Variants in NPEPL1 observed in about 807,000 individuals in gnomAD.
The protein encoded by NPEPL1 is probable aminopeptidase NPEPL1.
In NPEPL1, 45 loss-of-function variants were observed where a neutral mutation model predicts 52.4. That is an observed-to-expected ratio of 0.86 (90% CI 0.68 to 1.10). The LOEUF (loss-of-function observed/expected upper bound fraction) is 1.10, where lower values mean the gene tolerates loss of function less well. Among genes scored for constraint, NPEPL1 ranks in the 50% least tolerant of loss-of-function variants. The pLI, the probability that NPEPL1 is intolerant of heterozygous loss-of-function variation, is 0.00. For synonymous variants in NPEPL1, 360 were observed against 314.7 expected, an observed-to-expected ratio of 1.14 and a Z score of -1.52; for missense variants, 696 against 710.9, an observed-to-expected ratio of 0.98 and a Z score of 0.24.
chr20:58,703,844 C>T, intron 6 of NPEPL1: 1 of 984,990 alleles, frequency 1.0e-6, no homozygotes, highest in Non-Finnish European at 1.2e-6. Flanking sequence ...GAGAGTAGGG[C>T]ATTTTCCATG....
In NPEPL1 at chr20:58,704,361, A is replaced by G. The variant is rs1329368870; in HGVS notation, c.823-2762A>G. 4 of 985,304 alleles carry G rather than the reference A, an allele frequency of 4.1e-6. No individual in the cohort carries two copies. In the Admixed American group the frequency reaches 1.8e-4, roughly 45 times the overall value. 61.0% of individuals were successfully genotyped at this position (985,304 alleles called of 1,614,324 possible). On this transcript the variant is annotated intron_variant, in intron 6 of 11. Coordinates refer to ENST00000356091, the MANE Select transcript of NPEPL1 (RefSeq NM_024663.4). ...GACCAGCCTGGACTAGCAGGCCTCAAATGCATTACTGGAGACCCCTTTACG... is the reference window on the plus strand; with the variant it reads ...GACCAGCCTGGACTAGCAGGCCTCAGATGCATTACTGGAGACCCCTTTACG...
chr20:58,708,605 T>C (rs886958529), intron 7 of NPEPL1, among the ~76,000 whole-genome samples: 1 of 152,236 alleles, frequency 6.6e-6, no homozygotes, highest in Non-Finnish European at 1.5e-5. Context: ...CTCTGTGCGC[T>C]ACTCCTTCAC....
chr20:58,710,101 C>T (rs142190525), intron 7 of NPEPL1, among the ~76,000 whole-genome samples: 164 of 135,788 alleles, frequency 1.2e-3, no homozygotes, highest in Middle Eastern at 4.8e-3. Context: ...TGCAGTGGTG[C>T]GATCTCGGCT....
At chr20:58,698,350 G>C (rs774777331) in intron 3 of NPEPL1, among the ~76,000 whole-genome samples, 24 of 152,278 alleles carry the variant, frequency 1.6e-4, no homozygotes, top group Non-Finnish European at 3.1e-4. Context: ...CCTACCTTCA[G>C]TTGTAGCTGG....
At position 58,703,632 on chromosome 20, in the gene NPEPL1, G is replaced by A. The variant is rs555026213; in HGVS notation, c.822+2474G>A. On this transcript the variant is annotated intron_variant, in intron 6 of 11. Transcript: ENST00000356091. ...CTGGGAATTCATTCGTTTGCTTGTG[G>A]CACTAACTCTAGTCACTTAGGGAAA... is the stretch of plus-strand genomic sequence containing the variant. The A allele has an allele frequency of 3.0e-6, 3 of 985,284 alleles. No homozygotes were observed. The South Asian group carries it at 1.4e-4, about 46-fold the overall frequency. The allele number at this position is 985,284 out of a possible 1,614,324, so 61.0% of individuals were successfully genotyped here.
intron 5 of NPEPL1, among the ~76,000 whole-genome samples, chr20:58,700,081 T>C (rs976591229): frequency 3.3e-5 from 5 of 152,210 alleles, no homozygotes; most frequent in Non-Finnish European, 7.3e-5. Flanking sequence ...TCACAGGCCA[T>C]TAGCTGGAGG....
chr20:58,714,844 C>T, intron 11 of NPEPL1, 174 bp downstream of exon 11: 1 of 630,042 alleles, frequency 1.6e-6, no homozygotes, highest in East Asian at 2.8e-5. Context: ...AACAGAGTGG[C>T]TGCTGTGTGC....
At chr20:58,691,720 T>TTTTTTTTTTG, upstream of NPEPL1, 2 of 814,008 alleles carry the variant, frequency 2.5e-6, no homozygotes, top group East Asian at 2.8e-5. Flanking sequence ...TTTTTCATTT[T>TTTTTTTTTTG]TAGGCTGGTT....
chr20:58,698,158 C>A (rs555817569), intron 3 of NPEPL1, among the ~76,000 whole-genome samples: 1 of 152,244 alleles, frequency 6.6e-6, no homozygotes, highest in East Asian at 1.9e-4. Flanking sequence ...CAGGTTCAAG[C>A]ACTCAGGATG....
Position 58,715,456 on chromosome 20 carries a change from A to G in NPEPL1, c.*130A>G, listed in dbSNP as rs528553527. The stretch of plus-strand genomic sequence containing the variant: ...TTCTGGTCGTCAGCGTGGTGGTGGA[A>G]ACAGCTGAAGTTTTAGGAGACAGCT... On this transcript the variant is annotated 3_prime_UTR_variant, in exon 12 of 12. Coordinates refer to ENST00000356091, the MANE Select transcript of NPEPL1 (RefSeq NM_024663.4). The G allele has an allele frequency of 9.6e-7, 1 of 1,038,264 alleles. No individual in the cohort carries two copies. Among genetic ancestry groups the G allele is most frequent in the Non-Finnish European group, 1.3e-6 (1 of 749,996 alleles). The allele number at this position is 1,038,264 out of a possible 1,614,324, so 64.3% of individuals were successfully genotyped here.
In NPEPL1 at chr20:58,712,518, G is replaced by A. The variant is rs2084871207; in HGVS notation, c.940G>A (p.Glu314Lys). 2 of 1,613,626 alleles carry A rather than the reference G, an allele frequency of 1.2e-6. No individual in the cohort carries two copies. Among genetic ancestry groups the A allele is most frequent in the Non-Finnish European group, 1.7e-6 (2 of 1,179,834 alleles). The change falls in exon 8 of 12, where the codon GAG becomes AAG. Residue 314 changes from glutamate to lysine, a missense_variant. By Grantham distance (56) the Glu-to-Lys change is moderately conservative. Coordinates refer to ENST00000356091, the MANE Select transcript of NPEPL1 (RefSeq NM_024663.4). ...CCTCCACGCTGTGTTCTGCTTGGCTGAGAACTCGGTGGGGCCCAATGCGAC... is the reference window on the plus strand; with the variant it reads ...CCTCCACGCTGTGTTCTGCTTGGCTAAGAACTCGGTGGGGCCCAATGCGAC... ...DNLHAVFCLA[E>K]NSVGPNATRP...
At position 58,702,060 on chromosome 20, in the gene NPEPL1, C is replaced by T. The variant is rs373444422; in HGVS notation, c.822+902C>T. Among the ~76,000 whole-genome samples the T allele has an allele frequency of 8.1e-4, 123 of 152,358 alleles. 1 individual carries two copies. Among genetic ancestry groups the T allele is most frequent in the Non-Finnish European group, 1.4e-3 (95 of 68,038 alleles). The stretch of plus-strand genomic sequence containing the variant: ...GGAGCAGACTGGGAAGTACATACCT[C>T]AGGAGGTCTGGAAGGAGCAGGGAGT... On this transcript the variant is annotated intron_variant, in intron 6 of 11. Coordinates refer to ENST00000356091, the MANE Select transcript of NPEPL1 (RefSeq NM_024663.4).
At chr20:58,714,265 C>T (rs1240609144) in intron 10 of NPEPL1, 172 bp downstream of exon 10, 93 of 688,738 alleles carry the variant, frequency 1.4e-4, no homozygotes, top group Admixed American at 3.3e-5. Flanking sequence ...TCCCAGACAG[C>T]GTGGGCCACT....
At chr20:58,701,514 G>A (rs1165226783) in intron 6 of NPEPL1, among the ~76,000 whole-genome samples, 3 of 152,064 alleles carry the variant, frequency 2.0e-5, no homozygotes, top group Non-Finnish European at 2.9e-5. Context: ...GTGCTGAGGC[G>A]ACAGCTTCAC....
intron 6 of NPEPL1, among the ~76,000 whole-genome samples, chr20:58,703,024 C>T (rs997070500): frequency 6.6e-6 from 1 of 152,196 alleles, no homozygotes; most frequent in East Asian, 1.9e-4. Flanking sequence ...TTTTGACCAT[C>T]CCGCACTCTC....
Position 58,699,223 on chromosome 20 carries a change from G to C in NPEPL1, c.624G>C (p.Leu208=). ...AGATTAACAAAGTTGGAAAGGAGCT[G>C]GGGATCATCCCAACCATCATCCGGG... is the stretch of plus-strand genomic sequence containing the variant. ...LEEINKVGKE[L]GIIPTIIRDE... is the part of the protein sequence containing the mutation. Residue 208 remains leucine (L), a synonymous_variant, in exon 5 of 12, where the codon CTG becomes CTC. Transcript: ENST00000356091. The C allele has an allele frequency of 6.2e-7, 1 of 1,603,904 alleles. No individual in the cohort carries two copies. The highest frequency in any genetic ancestry group is 8.5e-7 in the Non-Finnish European group (1 of 1,175,240).
At chr20:58,694,924 GTGTA>G (rs1355043530) in intron 3 of NPEPL1, among the ~76,000 whole-genome samples, 1 of 146,740 alleles carries the variant, frequency 6.8e-6, no homozygotes, top group Non-Finnish European at 1.5e-5. Context: ...GCACGTGTGT[GTGTA>G]TGTGCGTGCA....
rs2123155667 is a variant in NPEPL1 at position 58,713,847 on chromosome 20, C to A, written c.1126-70C>A. On this transcript the variant is annotated intron_variant, in intron 9 of 11. Transcript: ENST00000356091. This position sits in a 1 kb window ranked among gnomAD's most constrained non-coding sequence, Gnocchi z 4.6. ...CTTATTTCTCTGTCTGCCTCCCGGTCCCTCTTTTGCCTTGGGTGTTTCTCT... is the reference window on the plus strand; with the variant it reads ...CTTATTTCTCTGTCTGCCTCCCGGTACCTCTTTTGCCTTGGGTGTTTCTCT... The A allele has an allele frequency of 1.4e-6, 2 of 1,381,014 alleles. No homozygotes were observed. Among genetic ancestry groups the A allele is most frequent in the East Asian group, 5.5e-5 (2 of 36,634 alleles). The allele number at this position is 1,381,014 out of a possible 1,614,324, so 85.5% of individuals were successfully genotyped here. A position where few individuals can be genotyped will look rare whatever the true frequency, so the allele number is the denominator to read the frequency against.
At chr20:58,699,943 CT>C (rs1379692757) in intron 5 of NPEPL1, among the ~76,000 whole-genome samples, 1 of 152,240 alleles carries the variant, frequency 6.6e-6, no homozygotes, top group East Asian at 1.9e-4. Flanking sequence ...GGATCTTCCC[CT>C]GGTGCAGCGT....
Sources: gnomAD v4.1 joint callset for allele counts (sites outside exome capture counted in the v4.1 genomes callset) on GRCh38, gnomAD v4.1.1 for gene constraint, Gnocchi (gnomAD v3.1) non-coding constraint, MANE v1.5 for transcripts, NCBI Gene and HGNC (gene_info 2026-07-23, HGNC 2026-07-21) for gene names.